The following CTU2 variants were observed in gnomAD, a reference collection of about 807,000 sequenced individuals.
CTU2 encodes cytoplasmic tRNA 2-thiolation protein 2.
A neutral mutation model predicts 64.1 loss-of-function variants in CTU2; 80 were observed. The observed-to-expected ratio is 1.25, with a 90% CI of 1.04 to 1.50. The LOEUF is 1.50. Among genes scored for constraint, CTU2 ranks in the 40% most tolerant of loss-of-function variants. The pLI is 0.00. For missense variants in CTU2, 1,110 were observed against 690.2 expected (o/e 1.61, Z -6.81); for synonymous variants, 482 against 285.3 (o/e 1.69, Z -6.95).
chr16:88,715,236 G>T lies in CTU2; in HGVS notation c.1533G>T (p.Glu511Asp), dbSNP rs765134735. The change falls in exon 15 of 15, where the codon GAG (glutamate) becomes GAT (aspartate). Residue 511 changes from glutamate (E) to aspartate (D), a missense_variant. Physicochemically the swap from Glu to Asp is conservative, Grantham distance 45. Transcript: ENST00000453996. Reference sequence around the variant, plus strand: ...GTCTGATTGAGGACAGTGACGACGAGGCGGGCCAGAGCTGAGCGTGAGGAC... The same window carrying T: ...GTCTGATTGAGGACAGTGACGACGATGCGGGCCAGAGCTGAGCGTGAGGAC... ...RDCLIEDSDDEAGQS is the reference protein window; with the variant it reads ...RDCLIEDSDDDAGQS 11 of 1,611,934 alleles carry T rather than the reference G, an allele frequency of 6.8e-6. No homozygotes were observed. The highest frequency in any genetic ancestry group is 8.5e-6 in the Non-Finnish European group (10 of 1,179,890).
rs1911514516 is a variant in CTU2 at position 88,713,324 on chromosome 16, C to T, written c.750C>T (p.Ile250=). Residue 250 remains isoleucine, a synonymous_variant, in exon 8 of 15, where the codon ATC becomes ATT. Coordinates refer to ENST00000453996, the MANE Select transcript of CTU2 (RefSeq NM_001012759.3). ...CTCTGTGCTTTAGGACCCACCTGAT[C>T]CTCCACATGGCCCGAGCCCACGGCT... is the stretch of plus-strand genomic sequence containing the variant. ...ELLQTLRTHL[I]LHMARAHGYS... is the part of the protein sequence containing the mutation. 7 of 1,599,184 alleles carry T rather than the reference C, an allele frequency of 4.4e-6. No homozygotes were observed. Among genetic ancestry groups the T allele is most frequent in the Non-Finnish European group, 5.1e-6 (6 of 1,174,372 alleles).
At position 88,712,785 on chromosome 16, in the gene CTU2, C is replaced by T. The variant is rs1170842733; in HGVS notation, c.617C>T (p.Pro206Leu). 1.2e-6 allele frequency: 2 copies of T among 1,607,908 alleles called. No homozygotes were observed. Among genetic ancestry groups the T allele is most frequent in the Middle Eastern group, 1.9e-4 (1 of 5,228 alleles). Reference protein sequence around the residue: ...PTQGEEQPPQPPLDPQNLARP... With the variant: ...PTQGEEQPPQLPLDPQNLARP... ...CAAGGGGAGGAACAGCCACCCCAGC[C>T]CCCGCTGGACCCCCAGAACCTGGCA... The change falls in exon 7 of 15, where the codon CCC becomes CTC. Residue 206 changes from proline to leucine, a missense_variant. Coordinates refer to ENST00000453996, the MANE Select transcript of CTU2 (RefSeq NM_001012759.3).
rs1911528058 is a variant in CTU2 at position 88,713,405 on chromosome 16, C to T, written c.831C>T (p.Thr277=). 2.5e-6 allele frequency: 4 copies of T among 1,601,044 alleles called. No individual in the cohort carries two copies. Among genetic ancestry groups the T allele is most frequent in the East Asian group, 4.5e-5 (2 of 44,068 alleles). ...CACGCTTGGCTATCAAGCTCATGAC[C>T]AACCTGGCGCTGGGTCGAGGGGCCT... ...SCTRLAIKLM[T]NLALGRGAFL... is the part of the protein sequence containing the mutation. The change falls in exon 8 of 15, where the codon ACC becomes ACT. Residue 277 remains threonine (T), a synonymous_variant. Coordinates refer to ENST00000453996, the MANE Select transcript of CTU2 (RefSeq NM_001012759.3).
Position 88,714,860 on chromosome 16 carries a change from G to T in CTU2, c.1353G>T (p.Arg451Ser). The T allele has an allele frequency of 6.2e-7, 1 of 1,612,618 alleles. No individual in the cohort carries two copies. Among genetic ancestry groups the T allele is most frequent in the South Asian group, 1.1e-5 (1 of 91,086 alleles). The change falls in exon 13 of 15, where the codon AGG becomes AGT. Residue 451 changes from arginine (R) to serine (S), a missense_variant and splice_region_variant. Arg to Ser is a moderately radical substitution (Grantham distance 110, BLOSUM62 -1). Coordinates refer to ENST00000453996, the MANE Select transcript of CTU2 (RefSeq NM_001012759.3). ...AQRCGQGACR[R>S]EDPQACIEEQ... The stretch of plus-strand genomic sequence containing the variant: ...CACACAGCCAGCTCTGCTCCCGCAG[G>T]GAGGACCCCCAAGCCTGCATTGAGG...
In CTU2 at chr16:88,711,252, T is replaced by C. The variant is rs1421342882; in HGVS notation, c.283-383T>C. ...TGTGCCCAGCGGCGCCCCTGCCTCT[T>C]GCAGGCTGTTGGTTTCTGCTTGTGA... On this transcript the variant is annotated intron_variant, in intron 4 of 14. Coordinates refer to ENST00000453996, the MANE Select transcript of CTU2 (RefSeq NM_001012759.3). 2.0e-5 allele frequency among the ~76,000 whole-genome samples: 3 copies of C among 152,102 alleles called. No homozygotes were observed. The South Asian group carries it at 6.2e-4, about 31-fold the overall frequency.
rs1446902514 is a variant in CTU2, at chr16:88,714,687, T to C, written c.1302T>C (p.Cys434=). 6.2e-7 allele frequency: 1 copy of C among 1,612,164 alleles called. No homozygotes were observed. Among genetic ancestry groups the C allele is most frequent in the Admixed American group, 1.7e-5 (1 of 59,950 alleles). Residue 434 remains cysteine, a synonymous_variant, in exon 12 of 15, where the codon TGT becomes TGC. Coordinates refer to ENST00000453996, the MANE Select transcript of CTU2 (RefSeq NM_001012759.3). ...CCCGGACACCCCCGGGGCCCTGCTG[T>C]TCTCCAGGGGTGGGCTGGGCCCAGC... The part of the protein sequence containing the change: ...TETRTPPGPC[C]SPGVGWAQRC...
intron 3 of CTU2, 100 bp downstream of exon 3, chr16:88,710,116 T>A (rs927722426): frequency 3.2e-6 from 5 of 1,574,600 alleles, no homozygotes; most frequent in Non-Finnish European, 4.4e-6. Flanking sequence ...GCCCGCCAGC[T>A]CCTCCTTGGC....
chr16:88,706,998 C>T lies in CTU2; in HGVS notation c.69-138C>T, dbSNP rs4644850. 5.8e-4 allele frequency: 450 copies of T among 777,170 alleles called. 2 individuals are homozygous for T. In the African/African-American group the frequency reaches 7.0e-3, roughly 12 times the overall value. 48.1% of individuals were successfully genotyped at this position (777,170 alleles called of 1,614,324 possible). Reference sequence around the variant, plus strand: ...CTTGAAGTTTGGACAGAACACAAGCCTGGGTTTGTGTGTGTACCGAGGTGC... The same window carrying T: ...CTTGAAGTTTGGACAGAACACAAGCTTGGGTTTGTGTGTGTACCGAGGTGC... On this transcript the variant is annotated intron_variant, in intron 1 of 14. Transcript: ENST00000453996.
chr16:88,706,927 G>A, intron 1 of CTU2: 1 of 584,698 alleles, frequency 1.7e-6, no homozygotes. Context: ...TGTGCCCCCT[G>A]AGCCGGCTTT....
rs1911710087 is a variant in CTU2, at chr16:88,714,470, G to A, written c.1185G>A (p.Leu395=). The change falls in exon 11 of 15, where the codon CTG becomes CTA. Residue 395 remains leucine, a synonymous_variant. Coordinates refer to ENST00000453996, the MANE Select transcript of CTU2 (RefSeq NM_001012759.3). ...GPRCLLCMCA[L]DVDAADSATA... ...GCTGCCTCCTCTGCATGTGTGCCCT[G>A]GACGTCGACGCCGCTGGTCTGTGTT... is the stretch of plus-strand genomic sequence containing the variant. The A allele has an allele frequency of 6.2e-6, 10 of 1,612,624 alleles. No homozygotes were observed. Among genetic ancestry groups the A allele is most frequent in the Non-Finnish European group, 7.6e-6 (9 of 1,179,876 alleles).
At chr16:88,711,468 C>G (rs1316061616) in intron 4 of CTU2, among the ~76,000 whole-genome samples, 167 bp from the exon 5 acceptor site, 1 of 152,228 alleles carries the variant, frequency 6.6e-6, no homozygotes, top group Non-Finnish European at 1.5e-5. Flanking sequence ...CCTACTGGGC[C>G]TGCCCGGCAC....
Position 88,712,913 on chromosome 16 carries a change from C to T in CTU2, c.737+8C>T. 7.0e-7 allele frequency: 1 copy of T among 1,425,492 alleles called. No individual in the cohort carries two copies. 88.3% of individuals were successfully genotyped at this position (1,425,492 alleles called of 1,614,324 possible). On this transcript the variant is annotated splice_region_variant and intron_variant, in intron 7 of 14. Transcript: ENST00000453996. ...GCTTCTGCAGACCCTGCGGTGAGGC[C>T]CCGAGAGCCCCCCTTCCCCGGGCCC...
At chr16:88,707,289 G>C in intron 2 of CTU2, 79 bp downstream of exon 2, 4 of 1,310,406 alleles carry the variant, frequency 3.1e-6, no homozygotes, top group South Asian at 2.4e-5. Flanking sequence ...GTGATGCTTT[G>C]TTAATTCTTT....
At position 88,713,669 on chromosome 16, in the gene CTU2, G is replaced by C. The variant is rs1400531666; in HGVS notation, c.896G>C (p.Gly299Ala). Residue 299 changes from glycine (G) to alanine (A), a missense_variant, in exon 9 of 15, where the codon GGG becomes GCG. Coordinates refer to ENST00000453996, the MANE Select transcript of CTU2 (RefSeq NM_001012759.3). ...WDTGFSDERHGDVVVVRPMRD... is the reference protein window; with the variant it reads ...WDTGFSDERHADVVVVRPMRD... ...CAGGGCTTCTCGGATGAGCGGCACG[G>C]GGACGTGGTGGTGGTGCGGCCCATG... is the stretch of plus-strand genomic sequence containing the variant. 2 of 1,612,574 alleles carry C rather than the reference G, an allele frequency of 1.2e-6. No homozygotes were observed. Among genetic ancestry groups the C allele is most frequent in the South Asian group, 2.2e-5 (2 of 91,074 alleles).
rs200363327 is a variant in CTU2, at chr16:88,712,789, G to A, written c.621G>A (p.Pro207=). The change falls in exon 7 of 15, where the codon CCG becomes CCA. Residue 207 remains proline, a synonymous_variant. Transcript: ENST00000453996. The stretch of plus-strand genomic sequence containing the variant: ...GGGAGGAACAGCCACCCCAGCCCCC[G>A]CTGGACCCCCAGAACCTGGCAAGAC... The part of the protein sequence containing the change: ...TQGEEQPPQP[P]LDPQNLARPP... 13 of 1,607,976 alleles carry A rather than the reference G, an allele frequency of 8.1e-6. No individual in the cohort carries two copies. The highest frequency in any genetic ancestry group is 4.5e-5 in the East Asian group (2 of 44,832).
At position 88,714,587 on chromosome 16, in the gene CTU2, A is replaced by G. The variant is rs1328529822; in HGVS notation, c.1202A>G (p.Asp401Gly). Residue 401 changes from aspartate to glycine, a missense_variant and splice_region_variant, in exon 12 of 15, where the codon GAC (aspartate) becomes GGC (glycine). Coordinates refer to ENST00000453996, the MANE Select transcript of CTU2 (RefSeq NM_001012759.3). The stretch of plus-strand genomic sequence containing the variant: ...TCCGTCACCCCCTCTCTGCTTGCAG[A>G]CAGTGCCACGGCTTTTGGGGCTCAG... ...CMCALDVDAADSATAFGAQTS... is the reference protein window; with the variant it reads ...CMCALDVDAAGSATAFGAQTS... 2.5e-6 allele frequency: 4 copies of G among 1,612,592 alleles called. No homozygotes were observed. The highest frequency in any genetic ancestry group is 8.5e-7 in the Non-Finnish European group (1 of 1,179,868).
At chr16:88,710,124 G>A in intron 3 of CTU2, 99 bp from the exon 4 acceptor site, 1 of 1,578,756 alleles carries the variant, frequency 6.3e-7, no homozygotes, top group African/African-American at 1.3e-5. Context: ...GCTCCTCCTT[G>A]GCCTTTGAGG....
intron 2 of CTU2, chr16:88,709,558 GT>G (rs1180921828): frequency 5.1e-6 from 1 of 197,928 alleles, no homozygotes; most frequent in East Asian, 1.3e-4. Context: ...TCTGTATGTG[GT>G]GGGTCTTTTT....
At chr16:88,710,848 GGGAGGT>G (rs1419537389) in intron 4 of CTU2, 2 of 158,748 alleles carry the variant, frequency 1.3e-5, no homozygotes. Context: ...GGCCCGCGCA[GGGAGGT>G]GGAGGCGGGC....
Sources: gnomAD v4.1 joint callset for allele counts (sites outside exome capture counted in the v4.1 genomes callset) on GRCh38, gnomAD v4.1.1 for gene constraint, MANE v1.5 for transcripts, NCBI Gene and HGNC (gene_info 2026-07-23, HGNC 2026-07-21) for gene names.